The following SLC8A1 variants were observed in gnomAD, a reference collection of about 807,000 sequenced individuals.
SLC8A1 encodes the protein solute carrier family 8 member A1, also known as sodium/calcium exchanger 1.
SLC8A1 carries 18 observed loss-of-function variants against 68.3 expected under a neutral mutation model. The ratio of observed to expected loss-of-function variants is 0.26; its 90% CI spans 0.18 to 0.39. The LOEUF (loss-of-function observed/expected upper bound fraction) is 0.39, where lower values mean the gene tolerates loss of function less well. SLC8A1 is among the 10% of genes least tolerant of loss of function. SLC8A1 has a pLI of 1.00. For synonymous variants in SLC8A1, 475 were observed against 415.5 expected, an observed-to-expected ratio of 1.14 and a Z score of -1.74; for missense variants, 985 against 1,156.7, an observed-to-expected ratio of 0.85 and a Z score of 2.15.
chr2:40,421,749 A>T (rs1695560653), intron 2 of SLC8A1, among the ~76,000 whole-genome samples: 1 of 152,168 alleles, frequency 6.6e-6, no homozygotes, highest in African/African-American at 2.4e-5. Flanking sequence ...CTACAGCACC[A>T]AGTCCTCAGG....
rs1161729679 is a variant in SLC8A1, at chr2:40,508,369, T to TA, written c.-25+3979dup. Among the ~76,000 whole-genome samples the TA allele has an allele frequency of 7.9e-5, 12 of 150,968 alleles. No homozygotes were observed. The South Asian group carries it at 2.1e-3, about 26-fold the overall frequency. ...GGTAAAAGTAAAAAAAAAAAAAATC[T>TA]AAAAAAAAGATTTTCCTTTTTTAGA... On this transcript the variant is annotated intron_variant, in intron 1 of 7. Coordinates refer to the SLC8A1 transcript ENST00000402441.
At chr2:40,433,197 T>C (rs1332212231) in intron 1 of SLC8A1, among the ~76,000 whole-genome samples, 2 of 152,140 alleles carry the variant, frequency 1.3e-5, no homozygotes, top group Admixed American at 1.3e-4. Flanking sequence ...GGTTTCCCAC[T>C]TCCCTGAGGA....
intron 2 of SLC8A1, among the ~76,000 whole-genome samples, chr2:40,334,785 C>T (rs185611663): frequency 1.6e-3 from 249 of 152,246 alleles, no homozygotes; most frequent in African/African-American, 5.8e-3. Context: ...ATCTAATTTG[C>T]ATCTGGGACA....
chr2:40,488,568 G>A (rs1336773848), intron 1 of SLC8A1, among the ~76,000 whole-genome samples: 1 of 151,992 alleles, frequency 6.6e-6, no homozygotes, highest in Non-Finnish European at 1.5e-5. Flanking sequence ...ATGACAGTGT[G>A]CTTTTGAGCA....
chr2:40,451,418 G>C (rs565108366), intron 1 of SLC8A1, among the ~76,000 whole-genome samples: 2 of 152,130 alleles, frequency 1.3e-5, no homozygotes, highest in Non-Finnish European at 2.9e-5. Flanking sequence ...GGAAAACAGG[G>C]GGCTCGGAAA....
chr2:40,257,674 T>C (rs1427152119), intron 2 of SLC8A1, among the ~76,000 whole-genome samples: 2 of 152,200 alleles, frequency 1.3e-5, no homozygotes, highest in African/African-American at 2.4e-5. Flanking sequence ...GCAGTGTGAT[T>C]ACATAAATAG....
intron 2 of SLC8A1, among the ~76,000 whole-genome samples, chr2:40,204,887 T>A (rs535508275): frequency 1.3e-5 from 2 of 152,120 alleles, no homozygotes; most frequent in South Asian, 4.1e-4. Flanking sequence ...CACATGTCAG[T>A]GATTTAATAG....
chr2:40,400,153 C>T (rs569834214), intron 2 of SLC8A1, among the ~76,000 whole-genome samples: 1 of 152,164 alleles, frequency 6.6e-6, no homozygotes, highest in African/African-American at 2.4e-5. Flanking sequence ...ATTGCTCACT[C>T]GGTGAGCTCG....
At chr2:40,306,829 G>A (rs966094133) in intron 2 of SLC8A1, among the ~76,000 whole-genome samples, 6 of 152,154 alleles carry the variant, frequency 3.9e-5, no homozygotes, top group Admixed American at 2.0e-4. Flanking sequence ...TCCAGGGAAT[G>A]GGGAAGGTAA....
intron 2 of SLC8A1, among the ~76,000 whole-genome samples, chr2:40,317,907 G>A (rs2074683204): frequency 6.6e-6 from 1 of 152,068 alleles, no homozygotes; most frequent in Non-Finnish European, 1.5e-5. Flanking sequence ...GTGGTATGTA[G>A]AGTTCTGTGA....
At chr2:40,114,854 ACAAAGAAAAG>A (rs1225744662) in exon 8 of SLC8A1, 1 of 152,924 alleles carries the variant, frequency 6.5e-6, no homozygotes, top group Non-Finnish European at 1.5e-5. Context: ...TTCACTTTCC[ACAAAGAAAAG>A]CAACAACCCT....
chr2:40,258,540 A>G (rs1283950899), intron 2 of SLC8A1, among the ~76,000 whole-genome samples: 1 of 52,992 alleles, frequency 1.9e-5, no homozygotes, highest in Non-Finnish European at 4.2e-5. Context: ...TCTTGTTGGT[A>G]TAAACTCAGT....
chr2:40,382,332 T>A (rs1559464727), intron 2 of SLC8A1, among the ~76,000 whole-genome samples: 1 of 152,122 alleles, frequency 6.6e-6, no homozygotes, highest in Non-Finnish European at 1.5e-5. Context: ...AGTGAGTACA[T>A]ACACCTAGTA....
At chr2:40,419,946 T>G (rs1325575957) in intron 2 of SLC8A1, among the ~76,000 whole-genome samples, 1 of 152,136 alleles carries the variant, frequency 6.6e-6, no homozygotes, top group East Asian at 1.9e-4. Context: ...GTAAAAAATT[T>G]AATAAAACCA....
chr2:40,105,299 T>C (rs2034127426), exon 8 of SLC8A1: 1 of 152,170 alleles, frequency 6.6e-6, no homozygotes, highest in Non-Finnish European at 1.5e-5. Context: ...CTTTCTTCAT[T>C]GTTTTAAAAT....
intron 2 of SLC8A1, among the ~76,000 whole-genome samples, chr2:40,320,465 T>C (rs1000573282): frequency 3.9e-5 from 6 of 152,146 alleles, no homozygotes; most frequent in Admixed American, 3.9e-4. Context: ...GTGTTTCATG[T>C]TGTGGATAAC....
chr2:40,147,416 G>C (rs1192120233), intron 6 of SLC8A1, among the ~76,000 whole-genome samples: 1 of 152,112 alleles, frequency 6.6e-6, no homozygotes, highest in Non-Finnish European at 1.5e-5. Flanking sequence ...CCAAGCTCCC[G>C]AAATAGGGAA....
intron 7 of SLC8A1, among the ~76,000 whole-genome samples, chr2:40,138,958 G>T (rs570148630): frequency 6.6e-6 from 1 of 152,090 alleles, no homozygotes; most frequent in East Asian, 1.9e-4. Context: ...ATTTTATCAG[G>T]TCTCCAGTAA....
chr2:40,215,140 A>G (rs1339427950), intron 2 of SLC8A1, among the ~76,000 whole-genome samples: 2 of 152,178 alleles, frequency 1.3e-5, no homozygotes, highest in African/African-American at 4.8e-5. Context: ...GCACAGAGAA[A>G]GAGCTCAATA....
Sources: gnomAD v4.1 joint callset for allele counts (sites outside exome capture counted in the v4.1 genomes callset) on GRCh38, gnomAD v4.1.1 for gene constraint, MANE v1.5 for transcripts, NCBI Gene and HGNC (gene_info 2026-07-23, HGNC 2026-07-21) for gene names.